The following XRCC2 variants were observed in gnomAD, a reference collection of about 807,000 sequenced individuals.
XRCC2 encodes DNA repair protein XRCC2.
XRCC2 carries 24 observed loss-of-function variants against 27.3 expected under a neutral mutation model. That is an observed-to-expected ratio of 0.88 (90% CI 0.64 to 1.24). The LOEUF (loss-of-function observed/expected upper bound fraction) is 1.24. XRCC2 is among the 50% of genes most tolerant of loss of function. The pLI is 0.00. For missense variants in XRCC2, 321 were observed against 325.8 expected (o/e 0.99, Z 0.11); for synonymous variants, 106 against 115.4 (o/e 0.92, Z 0.52).
In XRCC2 at chr7:152,645,724, T is replaced by TTAG. The variant is rs1208544495; in HGVS notation, c.*2917_*2918insCTA. 8 of 152,274 alleles carry TTAG rather than the reference T, an allele frequency of 5.3e-5. No homozygotes were observed. The highest frequency in any genetic ancestry group is 1.9e-4 in the African/African-American group (8 of 41,544). 9.4% of individuals were successfully genotyped at this position (152,274 alleles called of 1,614,324 possible). On this transcript the variant is annotated 3_prime_UTR_variant, in exon 3 of 3. Coordinates refer to ENST00000359321, the MANE Select transcript of XRCC2 (RefSeq NM_005431.2). Reference sequence around the variant, plus strand: ...TCTAATATTTCACTATTAACTAATGTTTACTGAGGGATTTTTGTATATACC... The same window carrying TTAG: ...TCTAATATTTCACTATTAACTAATGTTAGTTACTGAGGGATTTTTGTATATACC...
At chr7:152,674,705 T>TTTAAAATATATTTA (rs2098039663) in intron 1 of XRCC2, among the ~76,000 whole-genome samples, 12 of 20,692 alleles carry the variant, frequency 5.8e-4, no homozygotes, top group African/African-American at 3.5e-3. Flanking sequence ...AAATATATAT[T>TTTAAAATATATTTA]TATATAATAT....
intron 1 of XRCC2, among the ~76,000 whole-genome samples, chr7:152,671,280 T>C (rs1296664042): frequency 6.6e-6 from 1 of 152,140 alleles, no homozygotes; most frequent in African/African-American, 2.4e-5. Context: ...GTAAGAATAG[T>C]ACAGTGAACC....
Position 152,646,239 on chromosome 7 carries a change from T to A in XRCC2, c.*2403A>T, listed in dbSNP as rs1327455115. 6.6e-6 allele frequency: 1 copy of A among 152,084 alleles called. No homozygotes were observed. Among genetic ancestry groups the A allele is most frequent in the East Asian group, 1.9e-4 (1 of 5,192 alleles). The allele number at this position is 152,084 out of a possible 1,614,324, so 9.4% of individuals were successfully genotyped here. A position where few individuals can be genotyped will look rare whatever the true frequency, so the allele number is the denominator to read the frequency against. ...CAATGCAAGGACCTTAGCACACTAA[T>A]TCTTCTGCTCCTAATGTCAAATTAT... is the stretch of plus-strand genomic sequence containing the variant. On this transcript the variant is annotated 3_prime_UTR_variant, in exon 3 of 3. Coordinates refer to ENST00000359321, the MANE Select transcript of XRCC2 (RefSeq NM_005431.2).
Position 152,646,994 on chromosome 7 carries a change from C to G in XRCC2, c.*1648G>C, listed in dbSNP as rs1005453290. The stretch of plus-strand genomic sequence containing the variant: ...ATCCCCACACTGTCTTCCACAATGG[C>G]TGAACTAATTTAATTTACATTTCCA... On this transcript the variant is annotated 3_prime_UTR_variant, in exon 3 of 3. Transcript: ENST00000359321. 2.6e-5 allele frequency: 4 copies of G among 152,158 alleles called. No individual in the cohort carries two copies. The highest frequency in any genetic ancestry group is 7.2e-5 in the African/African-American group (3 of 41,434). 9.4% of individuals were successfully genotyped at this position (152,158 alleles called of 1,614,324 possible).
intron 2 of XRCC2, among the ~76,000 whole-genome samples, chr7:152,651,670 T>C (rs2098028586): frequency 6.6e-6 from 1 of 151,976 alleles, no homozygotes; most frequent in African/African-American, 2.4e-5. Flanking sequence ...TGTGTCATCA[T>C]GCCTGGCTAA....
intron 1 of XRCC2, among the ~76,000 whole-genome samples, chr7:152,667,702 T>G (rs2098036518): frequency 6.6e-6 from 1 of 152,110 alleles, no homozygotes; most frequent in Non-Finnish European, 1.5e-5. Flanking sequence ...TGGATAATAT[T>G]AACAATTCAC....
At chr7:152,653,476 T>C (rs1411039323) in intron 2 of XRCC2, among the ~76,000 whole-genome samples, 2 of 152,182 alleles carry the variant, frequency 1.3e-5, no homozygotes, top group Non-Finnish European at 2.9e-5. Flanking sequence ...TAGACTTTTT[T>C]TGAGACAGGG....
chr7:152,662,630 T>C (rs537523700), intron 1 of XRCC2, among the ~76,000 whole-genome samples: 8 of 131,878 alleles, frequency 6.1e-5, no homozygotes, highest in African/African-American at 2.3e-4. Flanking sequence ...TGGAGTGCAG[T>C]GGCGGGATCT....
chr7:152,653,545 C>T (rs936333121), intron 2 of XRCC2, among the ~76,000 whole-genome samples: 8 of 152,064 alleles, frequency 5.3e-5, no homozygotes, highest in East Asian at 1.9e-4. Context: ...CTGCAACCTC[C>T]GCCTCCCAGG....
chr7:152,649,587 C>T (rs938329997), intron 2 of XRCC2, among the ~76,000 whole-genome samples: 2 of 152,142 alleles, frequency 1.3e-5, no homozygotes, highest in African/African-American at 4.8e-5. Flanking sequence ...CGGCCAGGCT[C>T]ACATGCACTC....
At chr7:152,649,464 G>A in intron 2 of XRCC2, 101 bp from the exon 3 acceptor site, 1 of 1,385,304 alleles carries the variant, frequency 7.2e-7, no homozygotes. Flanking sequence ...TTACTGGAAT[G>A]TGAAAGAAAA....
chr7:152,651,230 G>A (rs7782073), intron 2 of XRCC2, among the ~76,000 whole-genome samples: 2,196 of 151,856 alleles, frequency 0.014, 46 homozygotes, highest in African/African-American at 0.049. Flanking sequence ...GTGAACCACC[G>A]CACCTGGCCT....
At chr7:152,667,451 G>A (rs142464465) in intron 1 of XRCC2, among the ~76,000 whole-genome samples, 151 of 140,670 alleles carry the variant, frequency 1.1e-3, no homozygotes, top group Non-Finnish European at 1.8e-3. Flanking sequence ...TAATTTTATT[G>A]ACGGGACTCT....
rs2098027538 is a variant in XRCC2 at position 152,649,344 on chromosome 7, A to T, written c.141T>A (p.His47Gln). ...CTGTTTTTCCTGTTCCTTCTGGGCC[A>T]TGAAATTCAAGAATATCACCTGTGT... ...SPVHGDILEF[H>Q]GPEGTGKTEM... The change falls in exon 3 of 3, where the codon CAT becomes CAA. Residue 47 changes from histidine (H) to glutamine (Q), a missense_variant. His to Gln is a conservative substitution (Grantham distance 24). Transcript: ENST00000359321. 6.3e-7 allele frequency: 1 copy of T among 1,590,850 alleles called. No individual in the cohort carries two copies. Among genetic ancestry groups the T allele is most frequent in the African/African-American group, 1.4e-5 (1 of 74,050 alleles).
Position 152,648,798 on chromosome 7 carries a change from C to T in XRCC2, c.687G>A (p.Lys229=). The part of the protein sequence containing the change: ...VDIDYRPYLC[K]AWQQLVKHRM... ...TGTGCTTCACCAGTTGCTGCCATGC[C>T]TTACAGAGATAAGGTCTGTAGTCTA... Residue 229 remains lysine (K), a synonymous_variant, in exon 3 of 3, where the codon AAG becomes AAA. Coordinates refer to ENST00000359321, the MANE Select transcript of XRCC2 (RefSeq NM_005431.2). 1.2e-6 allele frequency: 2 copies of T among 1,614,166 alleles called. No homozygotes were observed. The highest frequency in any genetic ancestry group is 8.5e-7 in the Non-Finnish European group (1 of 1,180,022).
In XRCC2 at chr7:152,663,346, TAAAAAAAA is replaced by T. The variant is rs530664762; in HGVS notation, c.40-2572_40-2565del. Among the ~76,000 whole-genome samples, 67 of 80,910 alleles carry T rather than the reference TAAAAAAAA, an allele frequency of 8.3e-4. 1 individual carries two copies. The highest frequency in any genetic ancestry group is 3.3e-3 in the East Asian group (8 of 2,446). 53.1% of individuals were successfully genotyped at this position (80,910 alleles called of 152,430 possible). On this transcript the variant is annotated intron_variant, in intron 1 of 2. Transcript: ENST00000359321. ...GCTTTACGTAAGAATGTCTTTGAAG[TAAAAAAAA>T]AAAAAAAAAAAAAAAAAAAGACTGC...
intron 2 of XRCC2, among the ~76,000 whole-genome samples, chr7:152,657,070 C>T (rs2098030978): frequency 6.6e-6 from 1 of 151,630 alleles, no homozygotes; most frequent in African/African-American, 2.4e-5. Flanking sequence ...AACCCCGTCT[C>T]TACTAAAAAC....
At chr7:152,661,331 T>C (rs953974736) in intron 1 of XRCC2, among the ~76,000 whole-genome samples, 2 of 152,248 alleles carry the variant, frequency 1.3e-5, no homozygotes, top group African/African-American at 4.8e-5. Flanking sequence ...CAAACTGCTA[T>C]GGCAAAATTT....
In XRCC2 at chr7:152,648,004, A is replaced by G. The variant is rs1247025427; in HGVS notation, c.*638T>C. 1.3e-5 allele frequency: 2 copies of G among 152,220 alleles called. No homozygotes were observed. The highest frequency in any genetic ancestry group is 2.9e-5 in the Non-Finnish European group (2 of 68,030). The allele number at this position is 152,220 out of a possible 1,614,324, so 9.4% of individuals were successfully genotyped here. On this transcript the variant is annotated 3_prime_UTR_variant, in exon 3 of 3. Transcript: ENST00000359321. The stretch of plus-strand genomic sequence containing the variant: ...AAATATTGGTGGTAAATTAATACAA[A>G]GTTTAATTGCTAAAATCACTTTGAT...
Sources: gnomAD v4.1 joint callset for allele counts (sites outside exome capture counted in the v4.1 genomes callset) on GRCh38, gnomAD v4.1.1 for gene constraint, MANE v1.5 for transcripts, NCBI Gene and HGNC (gene_info 2026-07-23, HGNC 2026-07-21) for gene names.